Variants in SLC22A24 observed in about 807,000 individuals in gnomAD.
The protein encoded by SLC22A24 is solute carrier family 22 member 24.
SLC22A24 carries 53 observed loss-of-function variants against 49.8 expected under a neutral mutation model. That is an observed-to-expected ratio of 1.06 (90% CI 0.85 to 1.34). SLC22A24 has a LOEUF of 1.34. Among genes scored for constraint, SLC22A24 ranks in the 40% most tolerant of loss-of-function variants. The probability of loss-of-function intolerance (pLI) is 0.00; values close to 1 mark genes in which losing one functional copy is unlikely to be tolerated. For missense variants in SLC22A24, 786 were observed against 675.9 expected (o/e 1.16, Z -1.81); for synonymous variants, 302 against 256.4 (o/e 1.18, Z -1.70).
At chr11:63,112,306 C>T (rs569658506) in intron 4 of SLC22A24, among the ~76,000 whole-genome samples, 98 of 152,278 alleles carry the variant, frequency 6.4e-4, no homozygotes, top group Non-Finnish European at 8.8e-5. Context: ...TGGTGTAGTG[C>T]TGAAGAAAAT....
At chr11:63,135,587 A>G (rs2087368164) in intron 1 of SLC22A24, among the ~76,000 whole-genome samples, 1 of 152,258 alleles carries the variant, frequency 6.6e-6, no homozygotes, top group Non-Finnish European at 1.5e-5. Context: ...ATTGGAATAC[A>G]TTCTTAAATA....
At chr11:63,109,663 T>C (rs2134656918) in intron 4 of SLC22A24, among the ~76,000 whole-genome samples, 1 of 152,090 alleles carries the variant, frequency 6.6e-6, no homozygotes, top group East Asian at 1.9e-4. Context: ...AAGTGTCTGT[T>C]CATGTCCTTT....
Position 63,143,684 on chromosome 11 carries a change from G to T in SLC22A24, c.96C>A (p.Phe32Leu). ...TGAAGTTCTCCAACACAATATTAGG[G>T]AACAGTAGGATGTTGGTGATGCAAA... ...AFFCITNILL[F>L]PNIVLENFTA... Residue 32 changes from phenylalanine to leucine, a missense_variant, in exon 1 of 10, where the codon TTC (phenylalanine) becomes TTA (leucine). Transcript: ENST00000612278. The T allele has an allele frequency of 6.3e-7, 1 of 1,586,670 alleles. No homozygotes were observed. Among genetic ancestry groups the T allele is most frequent in the Non-Finnish European group, 8.6e-7 (1 of 1,167,608 alleles).
intron 1 of SLC22A24, among the ~76,000 whole-genome samples, chr11:63,141,271 G>A (rs2087413960): frequency 1.3e-5 from 2 of 152,322 alleles, no homozygotes; most frequent in African/African-American, 4.8e-5. Flanking sequence ...CAATTTTTAT[G>A]TAATGTTAAA....
At chr11:63,090,371 T>C (rs1046598806) in intron 6 of SLC22A24, among the ~76,000 whole-genome samples, 1 of 152,012 alleles carries the variant, frequency 6.6e-6, no homozygotes, top group Non-Finnish European at 1.5e-5. Context: ...CTAATAGACA[T>C]CTACAGAACT....
chr11:63,116,505 C>G (rs1431414356), intron 4 of SLC22A24, among the ~76,000 whole-genome samples: 1 of 151,890 alleles, frequency 6.6e-6, no homozygotes, highest in South Asian at 2.1e-4. Flanking sequence ...GATGAGTTAG[C>G]TTTTCTTTTG....
chr11:63,094,607 A>G (rs1315550000), intron 6 of SLC22A24, among the ~76,000 whole-genome samples: 1 of 152,172 alleles, frequency 6.6e-6, no homozygotes, highest in Non-Finnish European at 1.5e-5. Flanking sequence ...ACAGTGTGAA[A>G]GTGTTCCTGT....
chr11:63,101,425 A>T (rs2087090035), intron 5 of SLC22A24, among the ~76,000 whole-genome samples: 1 of 151,930 alleles, frequency 6.6e-6, no homozygotes, highest in South Asian at 2.1e-4. Flanking sequence ...TGTATATAAT[A>T]TTATACTAGG....
At chr11:63,108,072 G>C (rs10792390) in intron 4 of SLC22A24, among the ~76,000 whole-genome samples, 108,055 of 151,878 alleles carry the variant, frequency 0.71, 40,054 homozygotes, top group East Asian at 0.9. Context: ...CTGTGGGTTT[G>C]TTATAAATAA....
chr11:63,101,351 G>A (rs1565327432), intron 5 of SLC22A24, among the ~76,000 whole-genome samples: 1 of 151,242 alleles, frequency 6.6e-6, no homozygotes, highest in African/African-American at 2.4e-5. Flanking sequence ...TTAAATTAAT[G>A]CTACTCTTCA....
intron 4 of SLC22A24, among the ~76,000 whole-genome samples, chr11:63,115,636 A>G (rs113633408): frequency 0.22 from 34,126 of 151,942 alleles, 4,123 homozygotes; most frequent in African/African-American, 0.29. Context: ...GAAATCACCC[A>G]TCTTCTGCAT....
intron 2 of SLC22A24, among the ~76,000 whole-genome samples, chr11:63,121,263 CATT>C (rs1178596093): frequency 6.6e-6 from 1 of 152,108 alleles, no homozygotes; most frequent in Non-Finnish European, 1.5e-5. Flanking sequence ...ACTTTCTACT[CATT>C]ATTTCTGTAA....
At position 63,080,933 on chromosome 11, in the gene SLC22A24, C is replaced by G; in HGVS notation, c.1585G>C (p.Asp529His). Residue 529 changes from aspartate (D) to histidine (H), a missense_variant, in exon 9 of 10, where the codon GAT becomes CAT. Transcript: ENST00000612278. Reference protein sequence around the residue: ...RDLPLPNTIQDVENDRKDSRN... With the variant: ...RDLPLPNTIQHVENDRKDSRN... ...GGGTTTACTCACTCATTTTCCACAT[C>G]CTGGATGGTGTTAGGAAGAGGTAGA... The G allele has an allele frequency of 1.3e-6, 2 of 1,551,742 alleles. No individual in the cohort carries two copies. The highest frequency in any genetic ancestry group is 1.7e-6 in the Non-Finnish European group (2 of 1,147,194).
At chr11:63,118,206 C>A (rs2087225255) in intron 4 of SLC22A24, among the ~76,000 whole-genome samples, 1 of 118,270 alleles carries the variant, frequency 8.5e-6, no homozygotes, top group African/African-American at 2.7e-5. Context: ...CCTCTAGTAC[C>A]AAGAATGTTA....
intron 9 of SLC22A24, 44 bp from the exon 10 acceptor site, chr11:63,080,044 A>C: frequency 7.7e-7 from 1 of 1,301,374 alleles, no homozygotes. Flanking sequence ...AAGAAACAAA[A>C]AATAAATAAG....
intron 2 of SLC22A24, among the ~76,000 whole-genome samples, chr11:63,122,472 T>G (rs1034007769): frequency 2.0e-5 from 3 of 152,220 alleles, no homozygotes; most frequent in African/African-American, 7.2e-5. Flanking sequence ...ATGAAGCTGG[T>G]GTTTGATGAA....
chr11:63,109,868 A>G (rs2087149882), intron 4 of SLC22A24, among the ~76,000 whole-genome samples: 3 of 151,286 alleles, frequency 2.0e-5, no homozygotes, highest in African/African-American at 7.3e-5. Flanking sequence ...CCCATTTGTC[A>G]ATTTTGGCTT....
chr11:63,134,811 T>C, intron 1 of SLC22A24, 43 bp from the exon 2 acceptor site: 1 of 1,376,562 alleles, frequency 7.3e-7, no homozygotes, highest in Middle Eastern at 1.8e-4. Context: ...TGAGAAGAGT[T>C]TCAACTCTTT....
chr11:63,143,718 A>G lies in SLC22A24; in HGVS notation c.62T>C (p.Ile21Thr). The change falls in exon 1 of 10, where the codon ATA (isoleucine) becomes ACA (threonine). Residue 21 changes from isoleucine (I) to threonine (T), a missense_variant. By Grantham distance (89) the Ile-to-Thr change is moderately conservative. Coordinates refer to ENST00000612278, the MANE Select transcript of SLC22A24 (RefSeq NM_001136506.2). ...GGMGRFQICL[I>T]AFFCITNILL... ...GATGTTGGTGATGCAAAAGAAAGCT[A>G]TCAGACAAATCTGGAATCTCCCCAT... The G allele has an allele frequency of 6.6e-7, 1 of 1,524,374 alleles. No homozygotes were observed. The highest frequency in any genetic ancestry group is 8.8e-7 in the Non-Finnish European group (1 of 1,136,964). 94.4% of individuals were successfully genotyped at this position (1,524,374 alleles called of 1,614,324 possible).
Sources: gnomAD v4.1 joint callset for allele counts (sites outside exome capture counted in the v4.1 genomes callset) on GRCh38, gnomAD v4.1.1 for gene constraint, MANE v1.5 for transcripts, NCBI Gene and HGNC (gene_info 2026-07-23, HGNC 2026-07-21) for gene names.